OR6J1: variants seen among roughly 807,000 people sequenced by gnomAD.
The protein encoded by OR6J1 is olfactory receptor family 6 subfamily J member 1, also known as olfactory receptor 6J1.
For missense variants in OR6J1, 304 were observed against 166.8 expected (o/e 1.82, Z -4.53); for synonymous variants, 109 against 70.0 (o/e 1.56, Z -2.78).
At chr14:22,639,311 G>A (rs1195759847) in intron 1 of OR6J1, among the ~76,000 whole-genome samples, 1 of 130,336 alleles carries the variant, frequency 7.7e-6, no homozygotes, top group Non-Finnish European at 1.6e-5. Context: ...CCCCTACTGG[G>A]AAGTGAGGAG....
chr14:22,643,553 T>C (rs2037666551), intron 1 of OR6J1, among the ~76,000 whole-genome samples: 2 of 151,986 alleles, frequency 1.3e-5, no homozygotes, highest in African/African-American at 4.8e-5. Context: ...TGTCTTAGCA[T>C]CCCAAAGTGC....
At chr14:22,634,946 C>A (rs1418198636) in intron 1 of OR6J1, 108 bp from the exon 2 acceptor site, 3 of 570,682 alleles carry the variant, frequency 5.3e-6, no homozygotes, top group Non-Finnish European at 6.2e-6. Context: ...GCCAGCTAGA[C>A]GTGTAATGCA....
rs1010870171 is a variant in OR6J1, at chr14:22,633,632, C to T, written c.*136G>A. On this transcript the variant is annotated 3_prime_UTR_variant, in exon 2 of 2. Coordinates refer to ENST00000540461, the MANE Select transcript of OR6J1 (RefSeq NM_001348233.2). ...TACTGAGAGTCAGAATGGCTGGTGACACAGCTGCGGTCACAGATTAAAGTG... is the reference window on the plus strand; with the variant it reads ...TACTGAGAGTCAGAATGGCTGGTGATACAGCTGCGGTCACAGATTAAAGTG... The T allele has an allele frequency of 1.7e-6, 1 of 595,750 alleles. No homozygotes were observed. The highest frequency in any genetic ancestry group is 3.0e-6 in the Non-Finnish European group (1 of 336,648). The allele number at this position is 595,750 out of a possible 1,614,324, so 36.9% of individuals were successfully genotyped here. A position where few individuals can be genotyped will look rare whatever the true frequency, so the allele number is the denominator to read the frequency against.
intron 1 of OR6J1, among the ~76,000 whole-genome samples, chr14:22,641,525 AAG>A (rs1491275787): frequency 1.9e-5 from 2 of 103,884 alleles, no homozygotes; most frequent in African/African-American, 6.9e-5. Context: ...GGAGGGAAGA[AAG>A]AAGGAAAGAA....
rs1384924977 is a variant in OR6J1, at chr14:22,639,162, C to A, written c.-27-4324G>T. ...GTCTGAGAAGTGAGGAGCCTCTCCG[C>A]CCGGCAGCCACCCCATCTGGGAAGT... is the stretch of plus-strand genomic sequence containing the variant. On this transcript the variant is annotated intron_variant, in intron 1 of 1. Coordinates refer to ENST00000540461, the MANE Select transcript of OR6J1 (RefSeq NM_001348233.2). 2.0e-3 allele frequency among the ~76,000 whole-genome samples: 180 copies of A among 91,126 alleles called. 1 individual carries two copies. Among genetic ancestry groups the A allele is most frequent in the African/African-American group, 5.0e-3 (64 of 12,774 alleles). The allele number at this position is 91,126 out of a possible 152,430, so 59.8% of individuals were successfully genotyped here.
chr14:22,634,760 G>A lies in OR6J1; in HGVS notation c.52C>T (p.Leu18=). 2.8e-6 allele frequency: 2 copies of A among 703,972 alleles called. No individual in the cohort carries two copies. Among genetic ancestry groups the A allele is most frequent in the Non-Finnish European group, 5.2e-6 (2 of 385,170 alleles). The allele number at this position is 703,972 out of a possible 1,614,324, so 43.6% of individuals were successfully genotyped here. ...AGCAGCAGCTCCACCTCCCTGCTCA[G>A]GGAAAACCCCAGCAGAACAAACTCA... ...VTEFVLLGFS[L]SREVELLLLV... is the part of the protein sequence containing the mutation. The change falls in exon 2 of 2, where the codon CTG becomes TTG. Residue 18 remains leucine (L), a synonymous_variant. Coordinates refer to ENST00000540461, the MANE Select transcript of OR6J1 (RefSeq NM_001348233.2).
chr14:22,643,750 CACACACACACACACAGAGAG>C (rs1479337044), intron 1 of OR6J1, among the ~76,000 whole-genome samples: 19 of 107,570 alleles, frequency 1.8e-4, no homozygotes, highest in Admixed American at 7.1e-4. Context: ...CACACACACA[CACACACACACACACAGAGAG>C]AGAGAGAGAG....
intron 1 of OR6J1, among the ~76,000 whole-genome samples, chr14:22,637,282 G>GT (rs2037596992): frequency 1.5e-5 from 1 of 66,400 alleles, no homozygotes; most frequent in Non-Finnish European, 2.8e-5. Context: ...GAGGGAGGTG[G>GT]GGGGGGTCAG....
At chr14:22,634,866 A>G (rs938492113) in intron 1 of OR6J1, 28 bp from the exon 2 acceptor site, 12 of 614,754 alleles carry the variant, frequency 2.0e-5, no homozygotes, top group African/African-American at 1.8e-4. Context: ...GATAACACTT[A>G]AGAGAGTGTT....
Position 22,634,369 on chromosome 14 carries a change from C to T in OR6J1, c.443G>A (p.Trp148Ter). ...SVCIGTVVFS[W>*]VGGFLSVLFP... ...GAGCACAGACAGGAAGCCTCCCACC[C>T]AAGAGAATACAACGGTCCCAATGCA... Residue 148 changes from tryptophan (W) to a stop codon, truncating the protein, a stop_gained, in exon 2 of 2, where the codon TGG (tryptophan) becomes TAG (stop). Coordinates refer to ENST00000540461, the MANE Select transcript of OR6J1 (RefSeq NM_001348233.2). LOFTEE classifies it low-confidence loss of function (END_TRUNC). 1 of 703,320 alleles carries T rather than the reference C, an allele frequency of 1.4e-6. No homozygotes were observed. The highest frequency in any genetic ancestry group is 2.6e-6 in the Non-Finnish European group (1 of 384,974). 43.6% of individuals were successfully genotyped at this position (703,320 alleles called of 1,614,324 possible). A position where few individuals can be genotyped will look rare whatever the true frequency, so the allele number is the denominator to read the frequency against.
intron 1 of OR6J1, among the ~76,000 whole-genome samples, chr14:22,642,312 AATATATATATATATATATAT>A (rs71421135): frequency 0.45 from 49,520 of 109,456 alleles, 10,899 homozygotes; most frequent in East Asian, 0.76. Flanking sequence ...TCAACTTAAG[AATATATATATATATATATAT>A]ATATATATAT....
chr14:22,636,991 T>C (rs1419050383), intron 1 of OR6J1, among the ~76,000 whole-genome samples: 1 of 120,802 alleles, frequency 8.3e-6, no homozygotes, highest in Non-Finnish European at 1.6e-5. Context: ...CCGGCCGCCT[T>C]CCCATCTAGG....
At position 22,640,224 on chromosome 14, in the gene OR6J1, G is replaced by C. The variant is rs181943110; in HGVS notation, c.-28+3874C>G. ...AAAGAGAGAGGGAGGGAGGGAGGGAGGGAGGGAAGGAAGGATGGAAGGAAG... is the reference window on the plus strand; with the variant it reads ...AAAGAGAGAGGGAGGGAGGGAGGGACGGAGGGAAGGAAGGATGGAAGGAAG... On this transcript the variant is annotated intron_variant, in intron 1 of 1. Coordinates refer to ENST00000540461, the MANE Select transcript of OR6J1 (RefSeq NM_001348233.2). 3.1e-3 allele frequency among the ~76,000 whole-genome samples: 298 copies of C among 96,864 alleles called. 1 individual carries two copies. The highest frequency in any genetic ancestry group is 4.9e-3 in the Non-Finnish European group (222 of 45,752). 63.5% of individuals were successfully genotyped at this position (96,864 alleles called of 152,430 possible).
In OR6J1 at chr14:22,639,482, T is replaced by C. The variant is rs1389587407; in HGVS notation, c.-28+4616A>G. Among the ~76,000 whole-genome samples, 2 of 130,982 alleles carry C rather than the reference T, an allele frequency of 1.5e-5. 1 individual carries two copies. Among genetic ancestry groups the C allele is most frequent in the Non-Finnish European group, 3.2e-5 (2 of 62,696 alleles). 85.9% of individuals were successfully genotyped at this position (130,982 alleles called of 152,430 possible). On this transcript the variant is annotated intron_variant, in intron 1 of 1. Transcript: ENST00000540461. ...CCCGGCCACCACCCCGTCTGGGAGG[T>C]GTGCCCAACAGCTCATTGAGAACGG...
chr14:22,636,793 G>GC (rs1398246755), intron 1 of OR6J1, among the ~76,000 whole-genome samples: 7 of 118,000 alleles, frequency 5.9e-5, no homozygotes, highest in African/African-American at 9.6e-5. Flanking sequence ...GCCTGCCTTG[G>GC]CCCCCCAAAG....
chr14:22,637,844 C>A (rs1401429262), intron 1 of OR6J1, among the ~76,000 whole-genome samples: 2 of 34,010 alleles, frequency 5.9e-5, no homozygotes, highest in Non-Finnish European at 1.1e-4. Flanking sequence ...CCAGCCGCCC[C>A]GTCCGGGAGG....
rs57187423 is a variant in OR6J1, at chr14:22,641,369, G to A, written c.-28+2729C>T. Among the ~76,000 whole-genome samples the A allele has an allele frequency of 9.1e-5, 10 of 110,066 alleles. No individual in the cohort carries two copies. In the East Asian group the frequency reaches 2.7e-3, roughly 29 times the overall value. The allele number at this position is 110,066 out of a possible 152,430, so 72.2% of individuals were successfully genotyped here. ...GGGAGGGAAGAAAGAAAGAAAGGGG[G>A]GAGAGAAGAAAGAAAGAGAGAGAGA... On this transcript the variant is annotated intron_variant, in intron 1 of 1. Coordinates refer to ENST00000540461, the MANE Select transcript of OR6J1 (RefSeq NM_001348233.2).
Position 22,637,992 on chromosome 14 carries a change from C to T in OR6J1, c.-27-3154G>A, listed in dbSNP as rs2037607802. On this transcript the variant is annotated intron_variant, in intron 1 of 1. Transcript: ENST00000540461. ...CGCCCCTACTGGGAAGTGAGGAGCC[C>T]CTCTGCCTGGCCAGCCGCCCCGTCC... Among the ~76,000 whole-genome samples the T allele has an allele frequency of 2.0e-5, 2 of 100,468 alleles. 1 individual carries two copies. Among genetic ancestry groups the T allele is most frequent in the Admixed American group, 1.7e-4 (2 of 12,118 alleles). The allele number at this position is 100,468 out of a possible 152,430, so 65.9% of individuals were successfully genotyped here.
chr14:22,641,266 AAAGGAAGG>A (rs1555310982), intron 1 of OR6J1, among the ~76,000 whole-genome samples: 6 of 122,898 alleles, frequency 4.9e-5, no homozygotes, highest in African/African-American at 1.9e-4. Context: ...AGAAAGAAAG[AAAGGAAGG>A]AAGGAAGAAA....
Sources: allele counts gnomAD v4.1 joint callset (sites outside exome capture counted in the v4.1 genomes callset), GRCh38; gene constraint gnomAD v4.1.1; transcripts MANE v1.5; gene names NCBI Gene and HGNC (gene_info 2026-07-23, HGNC 2026-07-21).